Variants in OSBP2 observed in about 807,000 individuals in gnomAD.
OSBP2 encodes oxysterol binding protein 2.
Under a neutral mutation model 96.0 loss-of-function variants are expected in OSBP2, and 66 were observed. The observed-to-expected ratio is 0.69, with a 90% CI of 0.56 to 0.84. The LOEUF is 0.84. OSBP2 is among the 40% of genes least tolerant of loss of function. The pLI is 0.00. For missense variants in OSBP2, 1,038 were observed against 1,222.7 expected, an observed-to-expected ratio of 0.85 and a Z score of 2.25; for synonymous variants, 525 against 520.9, an observed-to-expected ratio of 1.01 and a Z score of -0.11.
At chr22:30,777,101 T>C (rs1345523176) in intron 2 of OSBP2, among the ~76,000 whole-genome samples, 4 of 152,240 alleles carry the variant, frequency 2.6e-5, no homozygotes, top group Non-Finnish European at 5.9e-5. Context: ...ACTTGCCTTG[T>C]CTCAGATGAG....
chr22:30,721,694 C>A (rs2089555425), intron 1 of OSBP2, among the ~76,000 whole-genome samples: 1 of 152,128 alleles, frequency 6.6e-6, no homozygotes, highest in African/African-American at 2.4e-5. Flanking sequence ...AGGGAAGAAG[C>A]AAAATTCCTG....
At chr22:30,799,954 A>T (rs136272) in intron 2 of OSBP2, among the ~76,000 whole-genome samples, 65,184 of 152,056 alleles carry the variant, frequency 0.43, 14,891 homozygotes, top group African/African-American at 0.6. Flanking sequence ...GATCTTTGAA[A>T]TTTTTAGCAA....
At chr22:30,826,089 T>C (rs2146990978) in intron 2 of OSBP2, among the ~76,000 whole-genome samples, 1 of 151,986 alleles carries the variant, frequency 6.6e-6, no homozygotes, top group African/African-American at 2.4e-5. Context: ...TTCTGAGGGG[T>C]TATTGTTTTT....
intron 2 of OSBP2, chr22:30,822,368 G>T (rs1312745028): frequency 3.7e-6 from 2 of 545,774 alleles, no homozygotes; most frequent in Non-Finnish European, 5.5e-6. Flanking sequence ...CGCGGGACGA[G>T]GCCGCGCTCC....
chr22:30,741,514 T>C (rs1159084245), intron 2 of OSBP2, 145 bp downstream of exon 2: 2 of 637,374 alleles, frequency 3.1e-6, no homozygotes, highest in Non-Finnish European at 2.7e-6. Flanking sequence ...TGCGTGCATG[T>C]TCTGTGCATC....
intron 2 of OSBP2, among the ~76,000 whole-genome samples, chr22:30,787,321 G>A (rs890913606): frequency 3.3e-5 from 5 of 152,144 alleles, no homozygotes; most frequent in African/African-American, 4.8e-5. Flanking sequence ...GGAGCTAAGA[G>A]GAGGGGGAAG....
At chr22:30,759,189 A>G (rs1024234274) in intron 2 of OSBP2, among the ~76,000 whole-genome samples, 12 of 152,164 alleles carry the variant, frequency 7.9e-5, no homozygotes, top group Non-Finnish European at 1.8e-4. Context: ...CTCTACTAAA[A>G]ATACAAAAAT....
chr22:30,902,151 A>AAAAAG (rs2040226023), intron 12 of OSBP2: 1 of 446,568 alleles, frequency 2.2e-6, no homozygotes, highest in Non-Finnish European at 3.8e-6. Context: ...AAAAAAAAAA[A>AAAAAG]ACAGAGGGTC....
At chr22:30,843,454 C>CG (rs561425373) in intron 2 of OSBP2, among the ~76,000 whole-genome samples, 53 of 103,964 alleles carry the variant, frequency 5.1e-4, no homozygotes, top group African/African-American at 1.7e-3. Context: ...TCCCCCCTCC[C>CG]CCTTGAGCAA....
chr22:30,694,415 T>A, upstream of OSBP2: 2 of 1,445,598 alleles, frequency 1.4e-6, no homozygotes, highest in East Asian at 2.5e-5. Flanking sequence ...GCGCATTTCG[T>A]GGCCTCTGGG....
At chr22:30,808,174 G>C in intron 2 of OSBP2, among the ~76,000 whole-genome samples, 1 of 152,114 alleles carries the variant, frequency 6.6e-6, no homozygotes, top group East Asian at 1.9e-4. Context: ...TCATAAGCGA[G>C]GTATACACAG....
chr22:30,803,811 T>C (rs1028344755), intron 2 of OSBP2, among the ~76,000 whole-genome samples: 5 of 151,684 alleles, frequency 3.3e-5, no homozygotes, highest in African/African-American at 1.2e-4. Context: ...GTGGGGTGTG[T>C]GTGTGTGTAT....
intron 2 of OSBP2, among the ~76,000 whole-genome samples, chr22:30,831,525 C>T (rs1466610359): frequency 6.6e-6 from 1 of 152,104 alleles, no homozygotes; most frequent in African/African-American, 2.4e-5. Flanking sequence ...GAGAAGTGGT[C>T]CCTGGAACTG....
rs1432362174 is a variant in OSBP2 at position 30,780,408 on chromosome 22, G to A, written c.853+39039G>A. On this transcript the variant is annotated intron_variant, in intron 2 of 13. Coordinates refer to ENST00000332585, the MANE Select transcript of OSBP2 (RefSeq NM_030758.4). ...ATAAAGAACCCGACACGCATGACAC[G>A]GAGTAAATGTCACAGCTCTGTGACT... 3.9e-5 allele frequency among the ~76,000 whole-genome samples: 6 copies of A among 152,186 alleles called. No individual in the cohort carries two copies. In the East Asian group the frequency reaches 9.6e-4, roughly 24 times the overall value.
chr22:30,702,616 AAAAT>A (rs1473716353), intron 1 of OSBP2, among the ~76,000 whole-genome samples: 1 of 152,162 alleles, frequency 6.6e-6, no homozygotes, highest in Admixed American at 6.6e-5. Flanking sequence ...TCGGTCTCAA[AAAAT>A]AAATAAAATA....
chr22:30,824,954 G>T (rs1204906347), intron 2 of OSBP2, among the ~76,000 whole-genome samples: 1 of 152,148 alleles, frequency 6.6e-6, no homozygotes, highest in African/African-American at 2.4e-5. Flanking sequence ...TGACTCTGCT[G>T]CTCGGCTGTG....
intron 2 of OSBP2, among the ~76,000 whole-genome samples, chr22:30,843,018 A>T (rs1335211877): frequency 3.3e-5 from 5 of 152,080 alleles, no homozygotes; most frequent in Non-Finnish European, 7.4e-5. Flanking sequence ...TCCTTACCTC[A>T]AGTGATCCAC....
At chr22:30,718,328 A>G (rs181303167) in intron 1 of OSBP2, among the ~76,000 whole-genome samples, 2 of 152,308 alleles carry the variant, frequency 1.3e-5, no homozygotes, top group Admixed American at 1.3e-4. Context: ...CACAGCCTCT[A>G]ACCTCCCTTC....
intron 2 of OSBP2, among the ~76,000 whole-genome samples, chr22:30,793,926 A>G (rs1186860639): frequency 6.6e-6 from 1 of 152,230 alleles, no homozygotes; most frequent in East Asian, 1.9e-4. Context: ...CCAAGTGTTC[A>G]TTTATGATGA....
Sources: gnomAD v4.1 joint callset for allele counts (sites outside exome capture counted in the v4.1 genomes callset) on GRCh38, gnomAD v4.1.1 for gene constraint, MANE v1.5 for transcripts, NCBI Gene and HGNC (gene_info 2026-07-23, HGNC 2026-07-21) for gene names.